GEMIN5: variants seen among roughly 807,000 people sequenced by gnomAD.
GEMIN5 encodes gem-associated protein 5.
In GEMIN5, 124 loss-of-function variants were observed where a neutral mutation model predicts 176.9. The observed-to-expected ratio is 0.70, with a 90% confidence interval of 0.61 to 0.81. The LOEUF is 0.81. GEMIN5 is among the 40% of genes least tolerant of loss of function. The pLI is 0.00. For synonymous variants in GEMIN5, 673 were observed against 665.2 expected, an observed-to-expected ratio of 1.01 and a Z score of -0.18; for missense variants, 1,843 against 1,814.6, an observed-to-expected ratio of 1.02 and a Z score of -0.28.
At chr5:154,934,674 C>T (rs558354494) in intron 3 of GEMIN5, among the ~76,000 whole-genome samples, 204 of 152,272 alleles carry the variant, frequency 1.3e-3, no homozygotes, top group Middle Eastern at 3.4e-3. Context: ...CTCAAGAGTA[C>T]TTACTCCACA....
At chr5:154,909,627 C>G (rs1374778026) in intron 15 of GEMIN5, among the ~76,000 whole-genome samples, 1 of 152,140 alleles carries the variant, frequency 6.6e-6, no homozygotes, top group Non-Finnish European at 1.5e-5. Context: ...ATACCCCCTG[C>G]TTGAGCCCTA....
chr5:154,917,092 A>C lies in GEMIN5; in HGVS notation c.1761T>G (p.His587Gln), dbSNP rs777814827. The change falls in exon 13 of 28, where the codon CAT becomes CAG. Residue 587 changes from histidine to glutamine, a missense_variant. Transcript: ENST00000285873. ...HHKLVNTISWHHEHGSQPELS... is the reference protein window; with the variant it reads ...HHKLVNTISWQHEHGSQPELS... ...ATTCTGGCTGGCTGCCATGCTCATG[A>C]TGCCAGCTAATGGTATTCACAAGCT... 1 of 1,608,970 alleles carries C rather than the reference A, an allele frequency of 6.2e-7. No individual in the cohort carries two copies. Among genetic ancestry groups the C allele is most frequent in the South Asian group, 1.1e-5 (1 of 90,654 alleles).
At chr5:154,917,416 AAATT>A (rs1763836398) in intron 12 of GEMIN5, among the ~76,000 whole-genome samples, 1 of 152,238 alleles carries the variant, frequency 6.6e-6, no homozygotes, top group African/African-American at 2.4e-5. Context: ...TTTCTTAAAA[AAATT>A]AATTTTTAGA....
intron 15 of GEMIN5, among the ~76,000 whole-genome samples, chr5:154,908,366 A>T (rs548894911): frequency 1.3e-5 from 2 of 151,936 alleles, no homozygotes; most frequent in Non-Finnish European, 2.9e-5. Context: ...TTTTCAGTAG[A>T]GACGGGGTTT....
intron 26 of GEMIN5, among the ~76,000 whole-genome samples, chr5:154,889,960 C>A (rs1300381702): frequency 2.0e-5 from 3 of 152,236 alleles, no homozygotes; most frequent in African/African-American, 7.2e-5. Flanking sequence ...ACCCTGCTTT[C>A]AATTCTTTTG....
intron 3 of GEMIN5, 91 bp from the exon 4 acceptor site, chr5:154,932,341 A>T (rs1764186570): frequency 1.1e-6 from 1 of 884,102 alleles, no homozygotes; most frequent in Non-Finnish European, 1.8e-6. Context: ...CCATTGGCGC[A>T]TTCCTTAAAG....
Position 154,887,802 on chromosome 5 carries a change from T to G in GEMIN5, c.*408A>C, listed in dbSNP as rs1763140990. On this transcript the variant is annotated 3_prime_UTR_variant, in exon 28 of 28. Coordinates refer to ENST00000285873, the MANE Select transcript of GEMIN5 (RefSeq NM_015465.5). ...ATCAATAGTCCTAAAATGCAGCAACTCCATCTCAAACAAGCATGACACACT... is the reference window on the plus strand; with the variant it reads ...ATCAATAGTCCTAAAATGCAGCAACGCCATCTCAAACAAGCATGACACACT... 6.1e-6 allele frequency: 1 copy of G among 163,110 alleles called. No individual in the cohort carries two copies. The highest frequency in any genetic ancestry group is 1.3e-5 in the Non-Finnish European group (1 of 75,798). 10.1% of individuals were successfully genotyped at this position (163,110 alleles called of 1,614,324 possible).
chr5:154,911,002 C>T (rs533571553), intron 15 of GEMIN5, among the ~76,000 whole-genome samples: 2 of 152,042 alleles, frequency 1.3e-5, no homozygotes, highest in East Asian at 3.9e-4. Flanking sequence ...CTGGCCTCCT[C>T]TTACTTATGT....
rs555684990 is a variant in GEMIN5, at chr5:154,935,776, A to C, written c.509+65T>G. On this transcript the variant is annotated intron_variant, in intron 3 of 27. Coordinates refer to ENST00000285873, the MANE Select transcript of GEMIN5 (RefSeq NM_015465.5). The stretch of plus-strand genomic sequence containing the variant: ...TGAGGAATAAAAGGACAGAGAAGGT[A>C]AAGAAAATGCAAAACACGATCATAA... 1,177 of 1,154,374 alleles carry C rather than the reference A, an allele frequency of 1.0e-3. 1 individual carries two copies. Among genetic ancestry groups the C allele is most frequent in the Non-Finnish European group, 1.4e-3 (1,082 of 787,546 alleles). 71.5% of individuals were successfully genotyped at this position (1,154,374 alleles called of 1,614,324 possible). A position where few individuals can be genotyped will look rare whatever the true frequency, so the allele number is the denominator to read the frequency against.
intron 13 of GEMIN5, among the ~76,000 whole-genome samples, chr5:154,916,685 C>T (rs1356986324): frequency 1.3e-5 from 2 of 151,920 alleles, no homozygotes; most frequent in South Asian, 2.1e-4. Flanking sequence ...TTTGTAGAGA[C>T]GGAGCCTCAC....
rs753126615 is a variant in GEMIN5, at chr5:154,892,485, T to A, written c.3662A>T (p.Asp1221Val). 1 of 1,614,218 alleles carries A rather than the reference T, an allele frequency of 6.2e-7. No individual in the cohort carries two copies. Among genetic ancestry groups the A allele is most frequent in the South Asian group, 1.1e-5 (1 of 91,084 alleles). ...AVLSQQMASW[D>V]EAVQALLRAV... ...CCGAAGGAGCGCCTGCACAGCCTCG[T>A]CCCAGGAGGCCATCTGTTGGCTCAG... The change falls in exon 25 of 28, where the codon GAC becomes GTC. Residue 1221 changes from aspartate (D) to valine (V), a missense_variant. Physicochemically the swap from Asp to Val is radical, Grantham distance 152. Coordinates refer to ENST00000285873, the MANE Select transcript of GEMIN5 (RefSeq NM_015465.5).
intron 9 of GEMIN5, among the ~76,000 whole-genome samples, chr5:154,923,237 A>C (rs1176316905): frequency 1.3e-5 from 2 of 152,122 alleles, no homozygotes; most frequent in African/African-American, 4.8e-5. Flanking sequence ...AAAATTAGCC[A>C]GGTGTGGTGG....
At chr5:154,910,678 GA>G (rs1405375617) in intron 15 of GEMIN5, among the ~76,000 whole-genome samples, 3 of 152,128 alleles carry the variant, frequency 2.0e-5, no homozygotes, top group African/African-American at 7.2e-5. Context: ...TCTTAGCCAG[GA>G]ATGGAATTTT....
At chr5:154,916,294 A>G (rs976750790) in intron 13 of GEMIN5, among the ~76,000 whole-genome samples, 2 of 152,202 alleles carry the variant, frequency 1.3e-5, no homozygotes, top group Non-Finnish European at 2.9e-5. Context: ...AGCACTATAT[A>G]TTATATATAG....
chr5:154,935,573 G>C (rs1376470646), intron 3 of GEMIN5, among the ~76,000 whole-genome samples: 1 of 152,158 alleles, frequency 6.6e-6, no homozygotes, highest in Non-Finnish European at 1.5e-5. Flanking sequence ...AAAGGTGAAA[G>C]AGGACATTTC....
chr5:154,931,402 C>A, intron 5 of GEMIN5, 56 bp downstream of exon 5: 1 of 1,530,748 alleles, frequency 6.5e-7, no homozygotes, highest in Non-Finnish European at 8.9e-7. Context: ...AACAGAAAAC[C>A]CTCTACTTCC....
intron 6 of GEMIN5, 138 bp from the exon 7 acceptor site, chr5:154,927,688 A>G: frequency 1.7e-6 from 1 of 597,398 alleles, no homozygotes; most frequent in Non-Finnish European, 2.9e-6. Context: ...TGCTGAAAAT[A>G]TGCACAAAAT....
At chr5:154,893,795 G>A (rs1029442356) in intron 24 of GEMIN5, among the ~76,000 whole-genome samples, 1 of 152,134 alleles carries the variant, frequency 6.6e-6, no homozygotes, top group African/African-American at 2.4e-5. Context: ...CCAGGCTGGA[G>A]TGCAGTGGCA....
intron 9 of GEMIN5, among the ~76,000 whole-genome samples, chr5:154,924,162 G>A (rs1473108184): frequency 6.6e-6 from 1 of 152,102 alleles, no homozygotes; most frequent in Non-Finnish European, 1.5e-5. Context: ...ATCTCAGTTC[G>A]GACTTGGCAC....
Sources: gnomAD v4.1 joint callset for allele counts (sites outside exome capture counted in the v4.1 genomes callset) on GRCh38, gnomAD v4.1.1 for gene constraint, MANE v1.5 for transcripts, NCBI Gene and HGNC (gene_info 2026-07-23, HGNC 2026-07-21) for gene names.